Variants in MTF2 observed in about 807,000 individuals in gnomAD.
MTF2 encodes metal response element binding transcription factor 2.
In MTF2, 11 loss-of-function variants were observed where a neutral mutation model predicts 79.5. The ratio of observed to expected loss-of-function variants is 0.14; its 90% CI spans 0.09 to 0.23. The LOEUF is 0.23. Among genes scored for constraint, MTF2 ranks in the 10% least tolerant of loss-of-function variants. The pLI is 1.00. For missense variants in MTF2, 486 were observed against 711.2 expected (o/e 0.68, Z 3.60); for synonymous variants, 208 against 232.8 (o/e 0.89, Z 0.97).
intron 1 of MTF2, among the ~76,000 whole-genome samples, chr1:93,084,205 G>C (rs1189702000): frequency 6.6e-6 from 1 of 151,980 alleles, no homozygotes; most frequent in African/African-American, 2.4e-5. Context: ...TGTTTTGCAT[G>C]TGGATACCAG....
At chr1:93,110,728 A>T in intron 3 of MTF2, 102 bp downstream of exon 3, 1 of 948,600 alleles carries the variant, frequency 1.1e-6, no homozygotes, top group South Asian at 1.5e-5. Flanking sequence ...GTATTTAGAT[A>T]ACTCAGTATT....
intron 3 of MTF2, among the ~76,000 whole-genome samples, chr1:93,113,317 C>T (rs1656108277): frequency 6.6e-6 from 1 of 151,886 alleles, no homozygotes; most frequent in Admixed American, 6.6e-5. Flanking sequence ...GAAGTCAAGG[C>T]TGCAGTGAGC....
chr1:93,080,009 A>G (rs1470652779), intron 1 of MTF2, among the ~76,000 whole-genome samples: 5 of 151,856 alleles, frequency 3.3e-5, no homozygotes, highest in African/African-American at 4.8e-5. Flanking sequence ...GGAGGGTGGA[A>G]TTGTATGGAA....
intron 3 of MTF2, among the ~76,000 whole-genome samples, chr1:93,111,471 C>CA (rs1368062356): frequency 6.6e-6 from 1 of 152,184 alleles, no homozygotes; most frequent in East Asian, 1.9e-4. Context: ...ATACCAAGTT[C>CA]AATTTTATGG....
intron 1 of MTF2, among the ~76,000 whole-genome samples, chr1:93,081,695 G>T (rs1654614190): frequency 6.6e-6 from 1 of 152,140 alleles, no homozygotes; most frequent in African/African-American, 2.4e-5. Context: ...AATTTCTCCA[G>T]TGATGGCAGT....
chr1:93,122,268 A>G (rs537548958), intron 9 of MTF2, among the ~76,000 whole-genome samples: 62 of 152,336 alleles, frequency 4.1e-4, no homozygotes, highest in African/African-American at 1.4e-3. Flanking sequence ...ATGCAGATAC[A>G]TATGTATACC....
At chr1:93,086,496 CAAAAAAA>C (rs10648696) in intron 1 of MTF2, among the ~76,000 whole-genome samples, 2 of 97,872 alleles carry the variant, frequency 2.0e-5, no homozygotes, top group South Asian at 3.9e-4. Context: ...GAGACTGTCT[CAAAAAAA>C]AAAAAAAAAA....
intron 1 of MTF2, among the ~76,000 whole-genome samples, chr1:93,086,836 C>T (rs1654860164): frequency 6.6e-6 from 1 of 152,046 alleles, no homozygotes; most frequent in South Asian, 2.1e-4. Context: ...CTTGTTGTTT[C>T]AAAATTGGGC....
intron 1 of MTF2, among the ~76,000 whole-genome samples, chr1:93,103,095 G>A (rs61800905): frequency 0.014 from 2,198 of 151,768 alleles, 25 homozygotes; most frequent in Non-Finnish European, 0.023. Context: ...TCGCACCACT[G>A]CACTTCAGCC....
chr1:93,098,087 GTTAT>G (rs1655372274), intron 1 of MTF2, among the ~76,000 whole-genome samples: 2 of 152,092 alleles, frequency 1.3e-5, no homozygotes, highest in Non-Finnish European at 2.9e-5. Flanking sequence ...TTTGTTTAGT[GTTAT>G]TTATGCCACT....
intron 9 of MTF2, among the ~76,000 whole-genome samples, chr1:93,124,295 A>T (rs372028348): frequency 1.3e-5 from 2 of 152,078 alleles, no homozygotes; most frequent in East Asian, 1.9e-4. Flanking sequence ...TGAAACCATG[A>T]TAAACTTTCT....
rs1397902904 is a variant in MTF2, at chr1:93,119,803, C to T, written c.797+402C>T. 1.9e-5 allele frequency: 3 copies of T among 157,866 alleles called. No individual in the cohort carries two copies. The East Asian group carries it at 5.6e-4, about 29-fold the overall frequency. 9.8% of individuals were successfully genotyped at this position (157,866 alleles called of 1,614,324 possible). ...TAGAGGTTTACTAATAAAATGCTTA[C>T]AGTAAGTACTTACAAATCTTTGTTG... is the stretch of plus-strand genomic sequence containing the variant. On this transcript the variant is annotated intron_variant, in intron 8 of 14. Coordinates refer to ENST00000370298, the MANE Select transcript of MTF2 (RefSeq NM_007358.4).
intron 11 of MTF2, among the ~76,000 whole-genome samples, chr1:93,131,466 T>C (rs1355967722): frequency 3.3e-5 from 5 of 152,124 alleles, no homozygotes; most frequent in Non-Finnish European, 7.4e-5. Context: ...CAAATTTACG[T>C]GTCAAACTGG....
At chr1:93,105,311 A>G (rs1186243381) in intron 1 of MTF2, among the ~76,000 whole-genome samples, 3 of 152,150 alleles carry the variant, frequency 2.0e-5, no homozygotes, top group Non-Finnish European at 4.4e-5. Flanking sequence ...AAAGAGTAGG[A>G]AGTGGTGGGA....
At chr1:93,082,823 A>G (rs1028671196) in intron 1 of MTF2, among the ~76,000 whole-genome samples, 3 of 152,158 alleles carry the variant, frequency 2.0e-5, no homozygotes, top group Non-Finnish European at 4.4e-5. Context: ...TCATCATCCC[A>G]AAAAGAAAAG....
rs1318106797 is a variant in MTF2 at position 93,138,940 on chromosome 1, T to C, written c.*1913T>C. ...ATGATTTATCCAGCTGAACTGTCTT[T>C]AGACGTAATTATTGTGAATGTCTGT... On this transcript the variant is annotated 3_prime_UTR_variant, in exon 15 of 15. Transcript: ENST00000370298. 1.3e-5 allele frequency: 2 copies of C among 152,262 alleles called. No homozygotes were observed. The highest frequency in any genetic ancestry group is 2.4e-5 in the African/African-American group (1 of 41,478). The allele number at this position is 152,262 out of a possible 1,614,324, so 9.4% of individuals were successfully genotyped here. A position where few individuals can be genotyped will look rare whatever the true frequency, so the allele number is the denominator to read the frequency against.
At chr1:93,086,180 TG>T (rs986867535) in intron 1 of MTF2, among the ~76,000 whole-genome samples, 3 of 152,140 alleles carry the variant, frequency 2.0e-5, no homozygotes, top group Admixed American at 2.0e-4. Context: ...CACATGACTA[TG>T]CTTAGAAGGA....
At position 93,114,602 on chromosome 1, in the gene MTF2, A is replaced by G. The variant is rs1020078726; in HGVS notation, c.287-86A>G. 16 of 887,634 alleles carry G rather than the reference A, an allele frequency of 1.8e-5. No individual in the cohort carries two copies. In the African/African-American group the frequency reaches 2.2e-4, roughly 12 times the overall value. The allele number at this position is 887,634 out of a possible 1,614,324, so 55.0% of individuals were successfully genotyped here. On this transcript the variant is annotated intron_variant, in intron 3 of 14. Transcript: ENST00000370298. Reference sequence around the variant, plus strand: ...GATGTACTTAGCAAACATTGCGCATATGTGCTGCTCACTGAGTCATAAAAG... The same window carrying G: ...GATGTACTTAGCAAACATTGCGCATGTGTGCTGCTCACTGAGTCATAAAAG...
At chr1:93,092,512 G>T (rs1655113494) in intron 1 of MTF2, among the ~76,000 whole-genome samples, 1 of 152,052 alleles carries the variant, frequency 6.6e-6, no homozygotes, top group African/African-American at 2.4e-5. Flanking sequence ...ACTCCTTAGA[G>T]GCAATAACTT....
Sources: gnomAD v4.1 joint callset for allele counts (sites outside exome capture counted in the v4.1 genomes callset) on GRCh38, gnomAD v4.1.1 for gene constraint, MANE v1.5 for transcripts, NCBI Gene and HGNC (gene_info 2026-07-23, HGNC 2026-07-21) for gene names.